The following SGCZ variants were observed in gnomAD, a reference collection of about 807,000 sequenced individuals.
SGCZ encodes zeta-sarcoglycan.
A neutral mutation model predicts 41.3 loss-of-function variants in SGCZ; 40 were observed. The ratio of observed to expected loss-of-function variants is 0.97; its 90% CI spans 0.75 to 1.26. The LOEUF is 1.26. Among genes scored for constraint, SGCZ ranks in the 50% most tolerant of loss-of-function variants. The pLI is 0.00. For missense variants in SGCZ, 552 were observed against 369.8 expected (o/e 1.49, Z -4.04); for synonymous variants, 206 against 137.5 (o/e 1.50, Z -3.49).
chr8:14,691,680 T>A lies in SGCZ; in HGVS notation c.40-136754A>T, dbSNP rs576017734. Among the ~76,000 whole-genome samples the A allele has an allele frequency of 2.0e-5, 3 of 152,174 alleles. No individual in the cohort carries two copies. In the South Asian group the frequency reaches 6.2e-4, roughly 32 times the overall value. ...GTTCCATAAATAAAGAAAGCATAGA[T>A]GTAAGAATATGAGTTATGTTAGTCA... is the stretch of plus-strand genomic sequence containing the variant. On this transcript the variant is annotated intron_variant, in intron 1 of 7. Coordinates refer to ENST00000382080, the MANE Select transcript of SGCZ (RefSeq NM_139167.4).
chr8:14,617,363 C>T (rs920891991), intron 1 of SGCZ, among the ~76,000 whole-genome samples: 17 of 152,000 alleles, frequency 1.1e-4, no homozygotes, highest in Non-Finnish European at 1.8e-4. Context: ...TGCCTTTATG[C>T]CATTTTATAA....
At chr8:14,309,334 G>C (rs963798662) in intron 3 of SGCZ, 249 of 1,601,530 alleles carry the variant, frequency 1.6e-4, no homozygotes, top group Non-Finnish European at 2.0e-4. Context: ...GGGAAGATGA[G>C]AAAAACAAAT....
intron 1 of SGCZ, among the ~76,000 whole-genome samples, chr8:14,625,338 G>C (rs892343857): frequency 6.6e-6 from 1 of 152,002 alleles, no homozygotes; most frequent in Admixed American, 6.6e-5. Context: ...CTGTTGTGTG[G>C]CCACTTGGTT....
rs573545623 is a variant in SGCZ, at chr8:14,418,523, G to A, written c.235-94319C>T. Among the ~76,000 whole-genome samples the A allele has an allele frequency of 1.9e-4, 29 of 151,856 alleles. No homozygotes were observed. The South Asian group carries it at 3.3e-3, about 17-fold the overall frequency. ...TAGAAAGGAAATTATATTTTATCAC[G>A]TTTTACTTATAAAATGGTTTGTCTC... On this transcript the variant is annotated intron_variant, in intron 2 of 7. Coordinates refer to ENST00000382080, the MANE Select transcript of SGCZ (RefSeq NM_139167.4).
At chr8:15,040,232 C>G (rs1009870449) in intron 1 of SGCZ, among the ~76,000 whole-genome samples, 1 of 152,134 alleles carries the variant, frequency 6.6e-6, no homozygotes, top group African/African-American at 2.4e-5. Context: ...GCTATCTTTC[C>G]TTACTCCCTT....
chr8:14,471,815 A>T lies in SGCZ; in HGVS notation c.234+82917T>A, dbSNP rs146000290. ...TACATATCTGCCAATAATTGCTATTATGACGATTCTAAATAAATGAATAGA... is the reference window on the plus strand; with the variant it reads ...TACATATCTGCCAATAATTGCTATTTTGACGATTCTAAATAAATGAATAGA... On this transcript the variant is annotated intron_variant, in intron 2 of 7. Coordinates refer to ENST00000382080, the MANE Select transcript of SGCZ (RefSeq NM_139167.4). Among the ~76,000 whole-genome samples, 153 of 152,244 alleles carry T rather than the reference A, an allele frequency of 1.0e-3. 3 individuals are homozygous for T. The East Asian group carries it at 0.028, about 28-fold the overall frequency.
intron 4 of SGCZ, among the ~76,000 whole-genome samples, chr8:14,190,369 G>A (rs35108680): frequency 0.076 from 11,460 of 150,352 alleles, 597 homozygotes; most frequent in African/African-American, 0.14. Context: ...ATGTATGTAT[G>A]TGTGTGTGTG....
At chr8:14,790,142 T>C (rs889898851) in intron 1 of SGCZ, among the ~76,000 whole-genome samples, 3 of 152,238 alleles carry the variant, frequency 2.0e-5, no homozygotes, top group South Asian at 2.1e-4. Context: ...TCATTAGAAA[T>C]AGGAAATGTG....
intron 1 of SGCZ, among the ~76,000 whole-genome samples, chr8:14,624,743 G>T (rs183128562): frequency 6.6e-6 from 1 of 150,928 alleles, no homozygotes; most frequent in Non-Finnish European, 1.5e-5. Context: ...GCTAATTTTT[G>T]TATTTTTAGT....
At chr8:14,203,565 G>T (rs745796169) in intron 4 of SGCZ, among the ~76,000 whole-genome samples, 1 of 151,772 alleles carries the variant, frequency 6.6e-6, no homozygotes, top group Non-Finnish European at 1.5e-5. Flanking sequence ...TAATTTTCTT[G>T]CCAGAGTTTG....
chr8:14,848,056 C>A (rs1803195029), intron 1 of SGCZ, among the ~76,000 whole-genome samples: 2 of 151,802 alleles, frequency 1.3e-5, no homozygotes, highest in Non-Finnish European at 2.9e-5. Context: ...GTTAAAATAT[C>A]AATATTAAAT....
At chr8:14,747,660 C>CATTATTATTATTATT (rs151163754) in intron 1 of SGCZ, among the ~76,000 whole-genome samples, 4,243 of 139,440 alleles carry the variant, frequency 0.03, 81 homozygotes, top group South Asian at 0.049. Context: ...GGGTACAAGG[C>CATTATTATTATTATT]ATTATTATTA....
intron 1 of SGCZ, among the ~76,000 whole-genome samples, chr8:14,993,291 T>C (rs916246413): frequency 1.3e-5 from 2 of 152,142 alleles, no homozygotes; most frequent in African/African-American, 4.8e-5. Flanking sequence ...AAAATGTTCC[T>C]CCTTATCTGC....
At chr8:14,933,784 T>C (rs570318595) in intron 1 of SGCZ, among the ~76,000 whole-genome samples, 14 of 152,124 alleles carry the variant, frequency 9.2e-5, no homozygotes, top group African/African-American at 3.1e-4. Context: ...TATACACTGA[T>C]ACAGCTATGC....
chr8:15,018,457 T>A (rs1337047760), intron 1 of SGCZ, among the ~76,000 whole-genome samples: 4 of 152,146 alleles, frequency 2.6e-5, no homozygotes, highest in African/African-American at 9.7e-5. Context: ...AGTCAGGAAA[T>A]GCCTCTCTGA....
At chr8:15,235,552 A>G (rs922650884) in intron 1 of SGCZ, among the ~76,000 whole-genome samples, 2 of 152,154 alleles carry the variant, frequency 1.3e-5, no homozygotes, top group African/African-American at 2.4e-5. Context: ...TAAGTCCAGT[A>G]CACTCTGGCT....
chr8:14,833,813 A>G (rs1802608577), intron 1 of SGCZ, among the ~76,000 whole-genome samples: 1 of 113,400 alleles, frequency 8.8e-6, no homozygotes, highest in Non-Finnish European at 1.7e-5. Context: ...GGAGCTAGGG[A>G]TGATCCAGGA....
rs1213419060 is a variant in SGCZ, at chr8:14,551,958, T to C, written c.234+2774A>G. On this transcript the variant is annotated intron_variant, in intron 2 of 7. Transcript: ENST00000382080. ...TAAAAATACAATATTTTGATAAAAATAACATGCCCAGTTTGCTCAAATAAA... is the reference window on the plus strand; with the variant it reads ...TAAAAATACAATATTTTGATAAAAACAACATGCCCAGTTTGCTCAAATAAA... Among the ~76,000 whole-genome samples the C allele has an allele frequency of 4.6e-5, 7 of 151,636 alleles. No homozygotes were observed. In the Admixed American group the frequency reaches 4.6e-4, roughly 10 times the overall value.
At chr8:15,061,523 C>T (rs1053248699) in intron 1 of SGCZ, among the ~76,000 whole-genome samples, 2 of 126,358 alleles carry the variant, frequency 1.6e-5, no homozygotes, top group Non-Finnish European at 3.2e-5. Flanking sequence ...CCAGAACTTA[C>T]AGTATATAAA....
Sources: gnomAD v4.1 joint callset for allele counts (sites outside exome capture counted in the v4.1 genomes callset) on GRCh38, gnomAD v4.1.1 for gene constraint, MANE v1.5 for transcripts, NCBI Gene and HGNC (gene_info 2026-07-23, HGNC 2026-07-21) for gene names.